The following ARHGAP15 variants were observed in gnomAD, a reference collection of about 807,000 sequenced individuals.
ARHGAP15 encodes Rho GTPase activating protein 15.
ARHGAP15 carries 51 observed loss-of-function variants against 63.7 expected under a neutral mutation model. The ratio of observed to expected loss-of-function variants is 0.80; its 90% confidence interval spans 0.64 to 1.01. ARHGAP15 has a LOEUF of 1.01. Among genes scored for constraint, ARHGAP15 ranks in the 50% least tolerant of loss-of-function variants. The pLI, the probability that ARHGAP15 is intolerant of heterozygous loss-of-function variation, is 0.00. For synonymous variants in ARHGAP15, 191 were observed against 193.8 expected, an observed-to-expected ratio of 0.99 and a Z score of 0.12; for missense variants, 560 against 564.6, an observed-to-expected ratio of 0.99 and a Z score of 0.08.
At chr2:143,728,265 C>T (rs1354153723) in intron 13 of ARHGAP15, among the ~76,000 whole-genome samples, 1 of 152,126 alleles carries the variant, frequency 6.6e-6, no homozygotes, top group African/African-American at 2.4e-5. Context: ...TGTCTCTCTG[C>T]GAGTCTAAAT....
intron 8 of ARHGAP15, among the ~76,000 whole-genome samples, chr2:143,473,583 C>A (rs1325986381): frequency 1.3e-5 from 2 of 152,178 alleles, no homozygotes; most frequent in African/African-American, 4.8e-5. Flanking sequence ...TCTCACCATT[C>A]ACAGTGTCCC....
chr2:143,561,669 C>A lies in ARHGAP15; in HGVS notation c.1003+5184C>A, dbSNP rs1696034145. On this transcript the variant is annotated intron_variant, in intron 11 of 13. Coordinates refer to ENST00000295095, the MANE Select transcript of ARHGAP15 (RefSeq NM_018460.4). The stretch of plus-strand genomic sequence containing the variant: ...TAGCTGGGATTACAGGTGCCCGCCA[C>A]CAAGCTCGGCTAATATTTGTATTTT... Among the ~76,000 whole-genome samples the A allele has an allele frequency of 4.6e-5, 7 of 151,966 alleles. No homozygotes were observed. The South Asian group carries it at 1.5e-3, about 32-fold the overall frequency.
chr2:143,529,758 A>T (rs960428172), intron 10 of ARHGAP15, among the ~76,000 whole-genome samples: 12 of 152,120 alleles, frequency 7.9e-5, no homozygotes, highest in Admixed American at 3.9e-4. Context: ...TTCTCCAAGG[A>T]ATATTCTCTA....
intron 10 of ARHGAP15, 66 bp downstream of exon 10, chr2:143,519,430 TAGC>T: frequency 7.9e-7 from 1 of 1,272,696 alleles, no homozygotes; most frequent in Non-Finnish European, 1.1e-6. Flanking sequence ...ATACTCAAGT[TAGC>T]AGTGCCACCT....
chr2:143,446,512 C>A (rs1690143949), intron 8 of ARHGAP15, among the ~76,000 whole-genome samples: 1 of 151,946 alleles, frequency 6.6e-6, no homozygotes, highest in Admixed American at 6.6e-5. Flanking sequence ...CTTTTGTTTT[C>A]TTAAGGGATC....
At chr2:143,600,662 C>T (rs998449681) in intron 11 of ARHGAP15, among the ~76,000 whole-genome samples, 1 of 152,068 alleles carries the variant, frequency 6.6e-6, no homozygotes, top group African/African-American at 2.4e-5. Flanking sequence ...AGTGAAATTA[C>T]CTACTGCTTT....
At chr2:143,426,650 C>T (rs1244148386) in intron 6 of ARHGAP15, among the ~76,000 whole-genome samples, 1 of 152,126 alleles carries the variant, frequency 6.6e-6, no homozygotes, top group East Asian at 1.9e-4. Context: ...CTCACTCAGT[C>T]AGAAGACCAG....
At chr2:143,169,851 A>T (rs1690702937) in intron 2 of ARHGAP15, among the ~76,000 whole-genome samples, 1 of 151,994 alleles carries the variant, frequency 6.6e-6, no homozygotes. Flanking sequence ...AGCATGATAC[A>T]GGTTCAATAA....
In ARHGAP15 at chr2:143,562,970, G is replaced by A. The variant is rs778750216; in HGVS notation, c.1003+6485G>A. On this transcript the variant is annotated intron_variant, in intron 11 of 13. Transcript: ENST00000295095. ...AGCAAAACTATACCACACATTTACC[G>A]TGGATTGTATTTTCTAATTCATTAT... Among the ~76,000 whole-genome samples, 18 of 152,240 alleles carry A rather than the reference G, an allele frequency of 1.2e-4. 1 individual carries two copies. Among genetic ancestry groups the A allele is most frequent in the Admixed American group, 6.5e-4 (10 of 15,290 alleles).
intron 6 of ARHGAP15, among the ~76,000 whole-genome samples, chr2:143,396,872 G>A (rs917229582): frequency 3.9e-5 from 6 of 152,080 alleles, no homozygotes; most frequent in Non-Finnish European, 8.8e-5. Flanking sequence ...ATAGCTCTTT[G>A]AAGTCTGTGA....
intron 1 of ARHGAP15, among the ~76,000 whole-genome samples, chr2:143,141,152 T>C (rs1279541255): frequency 6.6e-6 from 1 of 152,068 alleles, no homozygotes; most frequent in African/African-American, 2.4e-5. Context: ...TGGAGAGGTA[T>C]GCAGGAAACA....
At chr2:143,482,083 G>A (rs55742521) in intron 8 of ARHGAP15, among the ~76,000 whole-genome samples, 13,990 of 152,152 alleles carry the variant, frequency 0.092, 773 homozygotes, top group African/African-American at 0.16. Context: ...GTAAATTCTA[G>A]AATACCTGGA....
intron 10 of ARHGAP15, chr2:143,519,585 T>C: frequency 2.9e-6 from 1 of 344,388 alleles, no homozygotes; most frequent in Admixed American, 4.7e-5. Flanking sequence ...TTTAATATTT[T>C]GTCTGTCTGA....
intron 8 of ARHGAP15, among the ~76,000 whole-genome samples, chr2:143,471,147 GTGTA>G (rs1558993857): frequency 6.9e-6 from 1 of 145,508 alleles, no homozygotes; most frequent in Non-Finnish European, 1.5e-5. Context: ...ACACATGTGT[GTGTA>G]TAGATACAGA....
chr2:143,748,662 A>G (rs534708405), intron 13 of ARHGAP15, among the ~76,000 whole-genome samples: 9 of 152,328 alleles, frequency 5.9e-5, no homozygotes, highest in African/African-American at 1.9e-4. Context: ...GTTATTTTCC[A>G]GTACATTTGG....
At chr2:143,401,180 T>G (rs1019037080) in intron 6 of ARHGAP15, among the ~76,000 whole-genome samples, 1 of 152,040 alleles carries the variant, frequency 6.6e-6, no homozygotes, top group African/African-American at 2.4e-5. Flanking sequence ...GATTAATAAT[T>G]TCTTTTTAGT....
chr2:143,198,690 G>GC (rs769756956), intron 2 of ARHGAP15, among the ~76,000 whole-genome samples: 28 of 152,092 alleles, frequency 1.8e-4, no homozygotes, highest in Non-Finnish European at 3.7e-4. Flanking sequence ...ATATTAAGAG[G>GC]CAAGTGGGTC....
At chr2:143,300,303 C>A (rs1333942723) in intron 6 of ARHGAP15, among the ~76,000 whole-genome samples, 1 of 151,888 alleles carries the variant, frequency 6.6e-6, no homozygotes, top group Non-Finnish European at 1.5e-5. Context: ...CAGGTGTGGC[C>A]TTGGTGAGGA....
At chr2:143,477,183 CAT>C (rs200171872) in intron 8 of ARHGAP15, among the ~76,000 whole-genome samples, 9 of 147,236 alleles carry the variant, frequency 6.1e-5, no homozygotes, top group Middle Eastern at 3.4e-3. Context: ...CACACACACA[CAT>C]GCTCGCACAC....
Sources: allele counts gnomAD v4.1 joint callset (sites outside exome capture counted in the v4.1 genomes callset), GRCh38; gene constraint gnomAD v4.1.1; transcripts MANE v1.5; gene names NCBI Gene and HGNC (gene_info 2026-07-23, HGNC 2026-07-21).